WWOX: variants seen among roughly 807,000 people sequenced by gnomAD.
WWOX encodes the protein WW domain-containing oxidoreductase.
Under a neutral mutation model 46.2 loss-of-function variants are expected in WWOX, and 69 were observed. The observed-to-expected ratio is 1.49, with a 90% CI of 1.23 to 1.82. The LOEUF is 1.82. Among genes scored for constraint, WWOX ranks in the 40% most tolerant of loss-of-function variants. The probability of loss-of-function intolerance (pLI) is 0.00; values close to 1 mark genes in which losing one functional copy is unlikely to be tolerated. For missense variants in WWOX, 919 were observed against 542.6 expected (o/e 1.69, Z -6.89); for synonymous variants, 359 against 202.6 (o/e 1.77, Z -6.56).
intron 8 of WWOX, among the ~76,000 whole-genome samples, chr16:78,645,407 T>G (rs923023904): frequency 6.6e-6 from 1 of 152,156 alleles, no homozygotes; most frequent in Non-Finnish European, 1.5e-5. Flanking sequence ...TGGGTCTGTC[T>G]TAGTCCTTTT....
intron 8 of WWOX, among the ~76,000 whole-genome samples, chr16:78,578,933 TTGA>T (rs1232648550): frequency 6.6e-6 from 1 of 152,232 alleles, no homozygotes; most frequent in Non-Finnish European, 1.5e-5. Flanking sequence ...TTGTTGATTG[TTGA>T]TATTACTTAT....
intron 7 of WWOX, among the ~76,000 whole-genome samples, chr16:78,425,637 G>A (rs9921967): frequency 0.16 from 24,639 of 152,024 alleles, 4,984 homozygotes; most frequent in African/African-American, 0.48. Context: ...TGACTGAAAA[G>A]GACATTTGAA....
At chr16:78,363,871 C>T (rs140519774) in intron 5 of WWOX, among the ~76,000 whole-genome samples, 2 of 152,254 alleles carry the variant, frequency 1.3e-5, no homozygotes, top group South Asian at 2.1e-4. Context: ...CGAGGCAGGG[C>T]CTGGATGGGA....
chr16:79,039,477 C>G (rs183477947), intron 8 of WWOX, among the ~76,000 whole-genome samples: 1 of 152,132 alleles, frequency 6.6e-6, no homozygotes, highest in Non-Finnish European at 1.5e-5. Context: ...CCAGAGGCGA[C>G]GCATTTGCCC....
chr16:78,510,059 C>G (rs2085322388), intron 8 of WWOX, among the ~76,000 whole-genome samples: 1 of 138,650 alleles, frequency 7.2e-6, no homozygotes, highest in Non-Finnish European at 1.6e-5. Context: ...GAGATCCTGT[C>G]TCCAAGTCTG....
intron 8 of WWOX, among the ~76,000 whole-genome samples, chr16:78,578,329 A>G (rs185688191): frequency 0.022 from 2,250 of 102,576 alleles, 60 homozygotes; most frequent in African/African-American, 0.069. Context: ...TCACCCTTTC[A>G]CCCAGGCTGG....
At chr16:78,606,514 C>T (rs908343765) in intron 8 of WWOX, among the ~76,000 whole-genome samples, 7 of 151,900 alleles carry the variant, frequency 4.6e-5, no homozygotes, top group African/African-American at 1.7e-4. Context: ...TTTCTTGTAC[C>T]CTTCATATGA....
At chr16:78,763,731 C>G (rs918089318) in intron 8 of WWOX, among the ~76,000 whole-genome samples, 1 of 152,180 alleles carries the variant, frequency 6.6e-6, no homozygotes, top group Non-Finnish European at 1.5e-5. Context: ...AGTTTTGTCT[C>G]AATTCCTTTT....
intron 8 of WWOX, among the ~76,000 whole-genome samples, chr16:79,052,656 C>T (rs898301069): frequency 5.9e-5 from 9 of 152,168 alleles, no homozygotes; most frequent in African/African-American, 9.7e-5. Flanking sequence ...CAATGGAAAC[C>T]GGACACAGCA....
At chr16:78,580,217 G>T (rs1482752523) in intron 8 of WWOX, among the ~76,000 whole-genome samples, 1 of 152,034 alleles carries the variant, frequency 6.6e-6, no homozygotes, top group African/African-American at 2.4e-5. Flanking sequence ...GGGACTATAG[G>T]TGTGTGCCAG....
intron 8 of WWOX, among the ~76,000 whole-genome samples, chr16:78,726,460 C>T (rs1041734114): frequency 2.6e-5 from 4 of 152,010 alleles, no homozygotes; most frequent in African/African-American, 7.2e-5. Flanking sequence ...TTTCAAGCTC[C>T]TGGCCTCAAG....
intron 8 of WWOX, among the ~76,000 whole-genome samples, chr16:78,627,030 C>G (rs534355323): frequency 6.4e-4 from 97 of 152,200 alleles, no homozygotes; most frequent in African/African-American, 2.2e-3. Context: ...TGTGCCTCCT[C>G]TTCCCTCTTC....
chr16:79,118,119 C>A (rs2049554660), intron 8 of WWOX, among the ~76,000 whole-genome samples: 1 of 152,232 alleles, frequency 6.6e-6, no homozygotes, highest in Non-Finnish European at 1.5e-5. Flanking sequence ...TTAATCACTT[C>A]TAGCTTTTGA....
At chr16:78,767,792 C>A (rs961119682) in intron 8 of WWOX, among the ~76,000 whole-genome samples, 2 of 152,124 alleles carry the variant, frequency 1.3e-5, no homozygotes, top group Admixed American at 6.5e-5. Flanking sequence ...AGTGTTGATT[C>A]CCATTTCCCT....
chr16:78,455,643 C>CAGA (rs1668473515), intron 8 of WWOX, among the ~76,000 whole-genome samples: 1 of 60,508 alleles, frequency 1.7e-5, no homozygotes, highest in African/African-American at 7.1e-5. Context: ...GACTCTGTCT[C>CAGA]AAAAAAAAAA....
intron 8 of WWOX, among the ~76,000 whole-genome samples, chr16:78,607,331 T>TA (rs1181867208): frequency 6.6e-6 from 1 of 152,172 alleles, no homozygotes; most frequent in Admixed American, 6.5e-5. Flanking sequence ...GTAAATGAAA[T>TA]ACGCTTACAT....
At chr16:78,633,558 G>T (rs994527568) in intron 8 of WWOX, among the ~76,000 whole-genome samples, 1 of 152,138 alleles carries the variant, frequency 6.6e-6, no homozygotes, top group Non-Finnish European at 1.5e-5. Flanking sequence ...TTCACTGTGC[G>T]GGTTTCTGAT....
At chr16:79,026,659 C>G (rs1291061141) in intron 8 of WWOX, among the ~76,000 whole-genome samples, 1 of 143,836 alleles carries the variant, frequency 7.0e-6, no homozygotes, top group Non-Finnish European at 1.5e-5. Flanking sequence ...CCTCTGTCGC[C>G]TAGGCTGCAG....
chr16:78,738,725 G>T (rs2049146016), intron 8 of WWOX, among the ~76,000 whole-genome samples: 1 of 152,094 alleles, frequency 6.6e-6, no homozygotes, highest in Non-Finnish European at 1.5e-5. Flanking sequence ...GTGCCCATTT[G>T]ACAGGTGTGA....
Sources: gnomAD v4.1 joint callset for allele counts (sites outside exome capture counted in the v4.1 genomes callset) on GRCh38, gnomAD v4.1.1 for gene constraint, MANE v1.5 for transcripts, NCBI Gene and HGNC (gene_info 2026-07-23, HGNC 2026-07-21) for gene names.